The following CRPPA variants were observed in gnomAD, a reference collection of about 807,000 sequenced individuals.
The protein encoded by CRPPA is CDP-L-ribitol pyrophosphorylase A.
Under a neutral mutation model 52.0 loss-of-function variants are expected in CRPPA, and 43 were observed. That is an observed-to-expected ratio of 0.83 (90% CI 0.65 to 1.07). The LOEUF is 1.07. CRPPA is among the 50% of genes least tolerant of loss of function. CRPPA has a pLI of 0.00. For synonymous variants in CRPPA, 250 were observed against 203.5 expected (o/e 1.23, Z -1.94); for missense variants, 629 against 551.7 (o/e 1.14, Z -1.40).
intron 9 of CRPPA, among the ~76,000 whole-genome samples, chr7:16,099,592 G>C (rs571440858): frequency 4.0e-4 from 61 of 152,188 alleles, no homozygotes; most frequent in Admixed American, 1.5e-3. Flanking sequence ...GATACTTTAC[G>C]GAGCAGGAAC....
intron 3 of CRPPA, among the ~76,000 whole-genome samples, chr7:16,362,917 T>G (rs1413113913): frequency 6.6e-6 from 1 of 152,134 alleles, no homozygotes; most frequent in African/African-American, 2.4e-5. Context: ...AACACCAACT[T>G]CATCTCCCCT....
At chr7:16,366,593 T>G (rs1448531071) in intron 3 of CRPPA, among the ~76,000 whole-genome samples, 2 of 152,138 alleles carry the variant, frequency 1.3e-5, no homozygotes, top group East Asian at 3.8e-4. Context: ...ATTTATGCTT[T>G]TAGGCTAATG....
At position 16,371,748 on chromosome 7, in the gene CRPPA, T is replaced by C. The variant is rs554035262; in HGVS notation, c.684+4344A>G. Among the ~76,000 whole-genome samples, 15 of 151,284 alleles carry C rather than the reference T, an allele frequency of 9.9e-5. No homozygotes were observed. In the South Asian group the frequency reaches 2.9e-3, roughly 30 times the overall value. On this transcript the variant is annotated intron_variant, in intron 3 of 9. Transcript: ENST00000407010. ...ATGCCAGATATAAGAATTCAGAAAG[T>C]TGATTATTAAGCTATTCAAGGAGAT...
intron 3 of CRPPA, among the ~76,000 whole-genome samples, chr7:16,370,403 A>G (rs1161278918): frequency 6.6e-6 from 1 of 152,168 alleles, no homozygotes; most frequent in Non-Finnish European, 1.5e-5. Context: ...CACCTCCATC[A>G]GAGCTGAACC....
At chr7:16,351,738 G>T (rs1428725745) in intron 3 of CRPPA, among the ~76,000 whole-genome samples, 1 of 152,126 alleles carries the variant, frequency 6.6e-6, no homozygotes, top group Non-Finnish European at 1.5e-5. Flanking sequence ...AGTTAGAATG[G>T]CGATCATTAA....
At chr7:16,324,002 G>C (rs751723728) in intron 3 of CRPPA, among the ~76,000 whole-genome samples, 2 of 152,160 alleles carry the variant, frequency 1.3e-5, no homozygotes, top group Admixed American at 6.5e-5. Flanking sequence ...TCAGTAACAC[G>C]GATGCAAATA....
intron 3 of CRPPA, among the ~76,000 whole-genome samples, chr7:16,368,181 G>T (rs115377312): frequency 0.019 from 2,921 of 152,244 alleles, 93 homozygotes; most frequent in African/African-American, 0.067. Context: ...GCACAGAAAA[G>T]AATTTCACAT....
chr7:16,200,833 C>T (rs1187729845), intron 9 of CRPPA, among the ~76,000 whole-genome samples: 1 of 152,172 alleles, frequency 6.6e-6, no homozygotes, highest in Non-Finnish European at 1.5e-5. Context: ...GGTGAGAAAA[C>T]ATGCAGAAAC....
intron 8 of CRPPA, among the ~76,000 whole-genome samples, chr7:16,248,646 CA>C (rs1434002449): frequency 6.6e-6 from 1 of 152,170 alleles, no homozygotes; most frequent in Non-Finnish European, 1.5e-5. Flanking sequence ...CAGCAAGATC[CA>C]CGCGGAAGGC....
At chr7:16,144,791 G>A (rs146972642) in intron 9 of CRPPA, among the ~76,000 whole-genome samples, 60 of 152,226 alleles carry the variant, frequency 3.9e-4, no homozygotes, top group African/African-American at 1.1e-3. Context: ...CTCTCTCAGC[G>A]GCTGCTGGAC....
intron 6 of CRPPA, chr7:16,266,361 A>C (rs1433206215): frequency 6.6e-6 from 1 of 152,182 alleles, no homozygotes; most frequent in Non-Finnish European, 1.5e-5. Context: ...CTCATGTTGA[A>C]AGCCAACTAT....
At chr7:16,161,471 T>C (rs905782557) in intron 9 of CRPPA, among the ~76,000 whole-genome samples, 2 of 152,220 alleles carry the variant, frequency 1.3e-5, no homozygotes, top group African/African-American at 4.8e-5. Flanking sequence ...GTTCTGTTTA[T>C]GTGATGGATT....
chr7:16,211,320 A>T (rs1324271535), intron 9 of CRPPA, among the ~76,000 whole-genome samples: 1 of 152,210 alleles, frequency 6.6e-6, no homozygotes, highest in African/African-American at 2.4e-5. Context: ...AGTCTAAACA[A>T]TAAAAGTCAA....
chr7:16,358,896 T>C (rs922897418), intron 3 of CRPPA, among the ~76,000 whole-genome samples: 1 of 152,194 alleles, frequency 6.6e-6, no homozygotes, highest in South Asian at 2.1e-4. Context: ...TTCAAGATAT[T>C]AATGCCCACA....
At chr7:16,254,133 G>T (rs1783543856) in intron 8 of CRPPA, among the ~76,000 whole-genome samples, 1 of 152,124 alleles carries the variant, frequency 6.6e-6, no homozygotes, top group South Asian at 2.1e-4. Flanking sequence ...CTTTTACACT[G>T]TTGGTGGGAC....
intron 2 of CRPPA, among the ~76,000 whole-genome samples, chr7:16,380,434 T>C (rs1285617071): frequency 1.3e-5 from 2 of 152,154 alleles, no homozygotes; most frequent in Non-Finnish European, 2.9e-5. Context: ...TCATCAAGGA[T>C]ATTGGTCTAA....
At chr7:16,178,840 TTG>T (rs1254109549) in intron 9 of CRPPA, among the ~76,000 whole-genome samples, 1 of 152,124 alleles carries the variant, frequency 6.6e-6, no homozygotes, top group African/African-American at 2.4e-5. Context: ...CATGTATTAA[TTG>T]TGTCTTTATT....
Position 16,309,011 on chromosome 7 carries a change from T to C in CRPPA, c.685-384A>G, listed in dbSNP as rs1859419. Among the ~76,000 whole-genome samples the C allele has an allele frequency of 2.0e-5, 3 of 152,192 alleles. No homozygotes were observed. The South Asian group carries it at 6.2e-4, about 32-fold the overall frequency. On this transcript the variant is annotated intron_variant, in intron 3 of 9. Coordinates refer to ENST00000407010, the MANE Select transcript of CRPPA (RefSeq NM_001101426.4). ...TATCTTAACTGTTGATAAATATATA[T>C]CTACAAAATCTAAATCTCATATCTT...
intron 9 of CRPPA, among the ~76,000 whole-genome samples, chr7:16,171,836 G>C (rs1206437703): frequency 1.3e-5 from 2 of 152,060 alleles, no homozygotes; most frequent in Non-Finnish European, 2.9e-5. Context: ...CTTTCTCTCA[G>C]AGGTTCTGCA....
Sources: allele counts gnomAD v4.1 joint callset (sites outside exome capture counted in the v4.1 genomes callset), GRCh38; gene constraint gnomAD v4.1.1; transcripts MANE v1.5; gene names NCBI Gene and HGNC (gene_info 2026-07-23, HGNC 2026-07-21).